Variants in LINGO2 observed in about 807,000 individuals in gnomAD.
The protein encoded by LINGO2 is leucine-rich repeat and immunoglobulin-like domain-containing nogo receptor-interacting protein 2.
LINGO2 carries 14 observed loss-of-function variants against 30.6 expected under a neutral mutation model. The ratio of observed to expected loss-of-function variants is 0.46; its 90% CI spans 0.30 to 0.72. The LOEUF (loss-of-function observed/expected upper bound fraction) is 0.72. Among genes scored for constraint, LINGO2 ranks in the 30% least tolerant of loss-of-function variants. The probability of loss-of-function intolerance (pLI) is 0.07; values close to 1 mark genes in which losing one functional copy is unlikely to be tolerated. For missense variants in LINGO2, 729 were observed against 751.7 expected, an observed-to-expected ratio of 0.97 and a Z score of 0.35; for synonymous variants, 317 against 288.5, an observed-to-expected ratio of 1.10 and a Z score of -1.00.
intron 4 of LINGO2, among the ~76,000 whole-genome samples, chr9:28,237,975 T>C (rs560725663): frequency 6.6e-6 from 1 of 150,780 alleles, no homozygotes; most frequent in East Asian, 2.0e-4. Context: ...AGAGCAGGAG[T>C]AGCTATACTT....
the LINGO2 span, among the ~76,000 whole-genome samples, chr9:29,096,977 C>CCTATCTGTAGTATTACTACAG: frequency 1.7e-4 from 24 of 138,888 alleles, 5 homozygotes; most frequent in Non-Finnish European, 2.5e-4. Context: ...AGGCAGAAAA[C>CCTATCTGTAGTATTACTACAG]ATAAGAAAAC....
At chr9:29,189,834 A>AC in the LINGO2 span, among the ~76,000 whole-genome samples, 1 of 151,672 alleles carries the variant, frequency 6.6e-6, no homozygotes, top group African/African-American at 2.4e-5. Context: ...ACACAGCGAA[A>AC]CCCCGTCTCC....
At chr9:28,053,615 T>A (rs1824778210) in intron 4 of LINGO2, among the ~76,000 whole-genome samples, 1 of 151,996 alleles carries the variant, frequency 6.6e-6, no homozygotes, top group African/African-American at 2.4e-5. Context: ...GTTTGCAAAT[T>A]AGATGAGTGG....
chr9:28,011,053 A>G (rs1435353303), intron 5 of LINGO2, among the ~76,000 whole-genome samples: 1 of 152,176 alleles, frequency 6.6e-6, no homozygotes, highest in African/African-American at 2.4e-5. Flanking sequence ...GTACAATAAC[A>G]TATGGAACAA....
In LINGO2 at chr9:28,489,616, G is replaced by A. The variant is rs182725117; in HGVS notation, c.-364-13591C>T. On this transcript the variant is annotated intron_variant, in intron 1 of 5. Coordinates refer to ENST00000379992, the Ensembl canonical transcript of LINGO2. ...TAAAGCTGAGGTTTAGGAAGATAAG[G>A]AAGCTGGGCGTGGTGGCTCACACCT... is the stretch of plus-strand genomic sequence containing the variant. 2.1e-3 allele frequency among the ~76,000 whole-genome samples: 316 copies of A among 152,096 alleles called. 1 individual carries two copies. Among genetic ancestry groups the A allele is most frequent in the Admixed American group, 0.01 (156 of 15,260 alleles).
chr9:28,708,891 CT>C, the LINGO2 span, among the ~76,000 whole-genome samples: 2 of 152,156 alleles, frequency 1.3e-5, no homozygotes, highest in Admixed American at 1.3e-4. Context: ...TAGACCTGAT[CT>C]ATAATAGATT....
the LINGO2 span, among the ~76,000 whole-genome samples, chr9:29,070,126 G>A: frequency 6.6e-6 from 1 of 151,754 alleles, no homozygotes; most frequent in Non-Finnish European, 1.5e-5. Context: ...TAAATCTCAT[G>A]TAATATTCAA....
At chr9:28,282,411 G>GT (rs201436777) in intron 4 of LINGO2, among the ~76,000 whole-genome samples, 17,813 of 143,002 alleles carry the variant, frequency 0.12, 1,607 homozygotes, top group East Asian at 0.29. Flanking sequence ...TTTCAGGATA[G>GT]TTTTTTTTTT....
intron 4 of LINGO2, among the ~76,000 whole-genome samples, chr9:28,216,815 C>G (rs1025387241): frequency 6.6e-6 from 1 of 151,608 alleles, no homozygotes; most frequent in Non-Finnish European, 1.5e-5. Context: ...AAATAAAATA[C>G]CATTTATTCA....
chr9:29,140,493 G>T, the LINGO2 span, among the ~76,000 whole-genome samples: 3 of 151,240 alleles, frequency 2.0e-5, no homozygotes, highest in Non-Finnish European at 4.4e-5. Flanking sequence ...ATTTAAAGGA[G>T]CAAAAAGAAA....
the LINGO2 span, among the ~76,000 whole-genome samples, chr9:29,142,060 A>G: frequency 6.6e-6 from 1 of 151,916 alleles, no homozygotes; most frequent in African/African-American, 2.4e-5. Flanking sequence ...AATGAACCTA[A>G]GAAACATATA....
chr9:29,110,444 T>C, the LINGO2 span, among the ~76,000 whole-genome samples: 1 of 151,736 alleles, frequency 6.6e-6, no homozygotes, highest in African/African-American at 2.4e-5. Context: ...GCCATTCTCC[T>C]GCCTCAGCCT....
chr9:28,744,848 G>T, the LINGO2 span, among the ~76,000 whole-genome samples: 1 of 151,666 alleles, frequency 6.6e-6, no homozygotes, highest in Non-Finnish European at 1.5e-5. Context: ...TGTTGGACAG[G>T]ATGGTCTCAA....
At chr9:28,640,569 A>T (rs1419501084) in intron 1 of LINGO2, among the ~76,000 whole-genome samples, 28 of 139,832 alleles carry the variant, frequency 2.0e-4, no homozygotes, top group Admixed American at 1.6e-3. Flanking sequence ...ACTTTATTTC[A>T]TTCATTTGAT....
intron 4 of LINGO2, among the ~76,000 whole-genome samples, chr9:28,277,843 A>AAC (rs1439667405): frequency 1.5e-5 from 2 of 133,584 alleles, no homozygotes; most frequent in Admixed American, 8.1e-5. Context: ...AAAACAAAAA[A>AAC]AAAAAACAAA....
the LINGO2 span, among the ~76,000 whole-genome samples, chr9:28,736,151 T>C: frequency 1.3e-5 from 2 of 152,194 alleles, no homozygotes; most frequent in African/African-American, 2.4e-5. Context: ...TGTCAGGACA[T>C]GCCCAGTACG....
At chr9:28,016,588 A>G (rs1308360742) in intron 4 of LINGO2, among the ~76,000 whole-genome samples, 1 of 151,596 alleles carries the variant, frequency 6.6e-6, no homozygotes, top group African/African-American at 2.4e-5. Context: ...TCTAGAAGAA[A>G]TGGATAAATC....
chr9:28,920,285 G>A, the LINGO2 span, among the ~76,000 whole-genome samples: 14 of 151,720 alleles, frequency 9.2e-5, no homozygotes, highest in African/African-American at 3.4e-4. Context: ...CATCTTTATA[G>A]AGGACTAGTA....
chr9:29,175,524 T>C, the LINGO2 span, among the ~76,000 whole-genome samples: 5 of 19,608 alleles, frequency 2.5e-4, no homozygotes. Flanking sequence ...TCTCCGAGAT[T>C]TTTTTTTTTT....
Sources: allele counts gnomAD v4.1 joint callset (sites outside exome capture counted in the v4.1 genomes callset), GRCh38; gene constraint gnomAD v4.1.1; transcripts MANE v1.5; gene names NCBI Gene and HGNC (gene_info 2026-07-23, HGNC 2026-07-21).